Variants in TMEM114 observed in about 807,000 individuals in gnomAD.
The protein encoded by TMEM114 is transmembrane protein 114.
Under a neutral mutation model 6.2 loss-of-function variants are expected in TMEM114, and 6 were observed. The observed-to-expected ratio is 0.97, with a 90% CI of 0.53 to 1.91. The LOEUF is 1.91. Among genes scored for constraint, TMEM114 ranks in the 40% most tolerant of loss-of-function variants. The pLI, the probability that TMEM114 is intolerant of heterozygous loss-of-function variation, is 0.01. For missense variants in TMEM114, 218 were observed against 158.3 expected, an observed-to-expected ratio of 1.38 and a Z score of -2.02; for synonymous variants, 104 against 73.0, an observed-to-expected ratio of 1.42 and a Z score of -2.16.
chr16:8,561,699 A>C (rs1221942477), intron 2 of TMEM114, among the ~76,000 whole-genome samples: 1 of 152,154 alleles, frequency 6.6e-6, no homozygotes, highest in Non-Finnish European at 1.5e-5. Flanking sequence ...GCGAGTGAAT[A>C]AATGAATCAG....
chr16:8,574,629 A>G (rs1901857428), intron 2 of TMEM114, among the ~76,000 whole-genome samples: 1 of 120,738 alleles, frequency 8.3e-6, no homozygotes, highest in African/African-American at 3.0e-5. Context: ...AGTCTTGGGC[A>G]GGGAAGTACC....
the TMEM114 span, among the ~76,000 whole-genome samples, chr16:8,528,632 G>A: frequency 3.3e-5 from 5 of 152,118 alleles, no homozygotes; most frequent in East Asian, 3.8e-4. Flanking sequence ...GGGATAACCC[G>A]GTATTTAAAT....
intron 2 of TMEM114, among the ~76,000 whole-genome samples, chr16:8,539,830 T>G (rs763705168): frequency 2.0e-5 from 3 of 152,170 alleles, no homozygotes; most frequent in Non-Finnish European, 4.4e-5. Flanking sequence ...AATTATTTTA[T>G]TTTTTTACAC....
At chr16:8,555,766 G>T (rs866169396) in intron 2 of TMEM114, among the ~76,000 whole-genome samples, 1 of 152,190 alleles carries the variant, frequency 6.6e-6, no homozygotes. Context: ...AATTGCAAAG[G>T]GGGGATGCAG....
intron 2 of TMEM114, among the ~76,000 whole-genome samples, chr16:8,559,010 T>G (rs1901110153): frequency 6.6e-6 from 1 of 151,456 alleles, no homozygotes; most frequent in Admixed American, 6.6e-5. Context: ...CCCAAAGTGC[T>G]GGGATTAAAG....
chr16:8,545,109 A>G (rs1596468081), intron 2 of TMEM114, among the ~76,000 whole-genome samples: 1 of 151,866 alleles, frequency 6.6e-6, no homozygotes, highest in African/African-American at 2.4e-5. Flanking sequence ...TTTTCTTTCT[A>G]GTTGTTCTCT....
the TMEM114 span, among the ~76,000 whole-genome samples, chr16:8,531,398 G>C: frequency 0.12 from 18,533 of 152,168 alleles, 1,364 homozygotes; most frequent in Middle Eastern, 0.22. Context: ...TGGAACACTG[G>C]AAAAAGAAGT....
At chr16:8,564,115 AAGTGAATGAGTGAGTT>A (rs1338825184) in intron 2 of TMEM114, among the ~76,000 whole-genome samples, 12 of 137,474 alleles carry the variant, frequency 8.7e-5, no homozygotes, top group East Asian at 2.3e-4. Flanking sequence ...GGAAATAAGT[AAGTGAATGAGTGAGTT>A]AGTGAATGAG....
intron 3 of TMEM114, 86 bp downstream of exon 3, chr16:8,572,001 C>A: frequency 7.1e-7 from 1 of 1,412,876 alleles, no homozygotes; most frequent in Non-Finnish European, 9.3e-7. Flanking sequence ...CCTGGGATCC[C>A]CCTCGTTTGC....
downstream of TMEM114, among the ~76,000 whole-genome samples, chr16:8,532,868 G>A (rs1900256223): frequency 6.6e-6 from 1 of 152,122 alleles, no homozygotes; most frequent in South Asian, 2.1e-4. Context: ...AGCTTGCAGT[G>A]AGCCGAGATC....
downstream of TMEM114, among the ~76,000 whole-genome samples, chr16:8,535,486 G>C (rs544382150): frequency 6.6e-6 from 1 of 152,134 alleles, no homozygotes; most frequent in Non-Finnish European, 1.5e-5. Flanking sequence ...AATAATTGCA[G>C]TTTGGGGTCC....
At chr16:8,559,911 G>A (rs1400435849) in intron 2 of TMEM114, among the ~76,000 whole-genome samples, 2 of 152,218 alleles carry the variant, frequency 1.3e-5, no homozygotes, top group East Asian at 3.9e-4. Flanking sequence ...GTGGCTGAAT[G>A]GGAGGCAGAA....
chr16:8,539,583 C>T (rs903337609), intron 2 of TMEM114, among the ~76,000 whole-genome samples: 1 of 152,148 alleles, frequency 6.6e-6, no homozygotes, highest in East Asian at 1.9e-4. Context: ...CCTGAAGCTT[C>T]ACTCTTCCAG....
intron 2 of TMEM114, among the ~76,000 whole-genome samples, chr16:8,556,877 A>C: frequency 6.6e-6 from 1 of 152,106 alleles, no homozygotes. Flanking sequence ...AACACCCTTC[A>C]CATTGATCTC....
chr16:8,542,352 A>G (rs1439167656), intron 2 of TMEM114, among the ~76,000 whole-genome samples: 1 of 152,104 alleles, frequency 6.6e-6, no homozygotes, highest in African/African-American at 2.4e-5. Context: ...AACCAATTCC[A>G]TCTATTTCAC....
intron 2 of TMEM114, among the ~76,000 whole-genome samples, chr16:8,557,485 C>T (rs1401050836): frequency 6.6e-6 from 1 of 152,226 alleles, no homozygotes; most frequent in Non-Finnish European, 1.5e-5. Context: ...AGAGGACAAA[C>T]CACAATCGCC....
chr16:8,564,553 ATGAG>A (rs147187526), downstream of TMEM114, among the ~76,000 whole-genome samples: 1 of 79,376 alleles, frequency 1.3e-5, no homozygotes, highest in East Asian at 4.2e-4. Flanking sequence ...GAGTCAGGGA[ATGAG>A]TGAGTGAGTG....
At chr16:8,547,441 G>A (rs1374148708) in intron 2 of TMEM114, among the ~76,000 whole-genome samples, 1 of 149,048 alleles carries the variant, frequency 6.7e-6, no homozygotes, top group Non-Finnish European at 1.5e-5. Flanking sequence ...CACCCAGGCT[G>A]GAGTGCAGTG....
chr16:8,573,749 A>C (rs12932006), intron 2 of TMEM114, among the ~76,000 whole-genome samples: 1 of 152,176 alleles, frequency 6.6e-6, no homozygotes, highest in South Asian at 2.1e-4. Flanking sequence ...CTTACACTGC[A>C]TTCACCACTG....
Sources: gnomAD v4.1 joint callset for allele counts (sites outside exome capture counted in the v4.1 genomes callset) on GRCh38, gnomAD v4.1.1 for gene constraint, MANE v1.5 for transcripts, NCBI Gene and HGNC (gene_info 2026-07-23, HGNC 2026-07-21) for gene names.